EML6: variants seen among roughly 807,000 people sequenced by gnomAD.
The protein encoded by EML6 is echinoderm microtubule-associated protein-like 6.
EML6 carries 154 observed loss-of-function variants against 240.1 expected under a neutral mutation model. The observed-to-expected ratio is 0.64, with a 90% CI of 0.56 to 0.73. The LOEUF (loss-of-function observed/expected upper bound fraction) is 0.73. Ranked by LOEUF, EML6 falls within the 30% of genes least tolerant of loss-of-function variation. The pLI is 0.00. For missense variants in EML6, 2,964 were observed against 2,474.6 expected (o/e 1.20, Z -4.20); for synonymous variants, 1,148 against 899.0 (o/e 1.28, Z -4.95).
rs763236263 is a variant in EML6, at chr2:54,869,263, G to T, written c.2134G>T (p.Val712Leu). ...CTACCACATTGCTGCAGTTGCTGTCGTGTATAATCGGCAGCAGCACTCCCA... is the reference window on the plus strand; with the variant it reads ...CTACCACATTGCTGCAGTTGCTGTCTTGTATAATCGGCAGCAGCACTCCCA... ...VVYHIAAVAV[V>L]YNRQQHSQRL... The change falls in exon 15 of 42, where the codon GTG becomes TTG. Residue 712 changes from valine (V) to leucine (L), a missense_variant. Coordinates refer to ENST00000356458, the MANE Select transcript of EML6 (RefSeq NM_001039753.4). 6.4e-7 allele frequency: 1 copy of T among 1,551,632 alleles called. No homozygotes were observed. Among genetic ancestry groups the T allele is most frequent in the African/African-American group, 1.4e-5 (1 of 73,136 alleles).
intron 16 of EML6, among the ~76,000 whole-genome samples, chr2:54,876,191 C>G (rs1201020179): frequency 1.3e-5 from 2 of 152,146 alleles, no homozygotes; most frequent in Admixed American, 6.5e-5. Context: ...ACTAACTGGT[C>G]AGAGAGTAGA....
At chr2:54,895,461 A>G in intron 21 of EML6, 61 bp downstream of exon 21, 1 of 1,514,906 alleles carries the variant, frequency 6.6e-7, no homozygotes, top group Non-Finnish European at 8.9e-7. Context: ...GAGTGAGGCA[A>G]AGTTGATGCT....
intron 5 of EML6, among the ~76,000 whole-genome samples, chr2:54,820,911 C>A (rs1668303980): frequency 6.6e-6 from 1 of 152,230 alleles, no homozygotes; most frequent in Non-Finnish European, 1.5e-5. Context: ...ACAGTACAAA[C>A]CTATCTGGAC....
chr2:54,957,964 A>C lies in EML6; in HGVS notation c.4661A>C (p.Lys1554Thr). The C allele has an allele frequency of 6.4e-7, 1 of 1,551,492 alleles. No individual in the cohort carries two copies. Among genetic ancestry groups the C allele is most frequent in the Non-Finnish European group, 8.7e-7 (1 of 1,146,882 alleles). The change falls in exon 33 of 42, where the codon AAA becomes ACA. Residue 1554 changes from lysine to threonine, a missense_variant. Physicochemically the swap from Lys to Thr is moderately conservative, Grantham distance 78 (BLOSUM62 -1). Coordinates refer to ENST00000356458, the MANE Select transcript of EML6 (RefSeq NM_001039753.4). ...KGVIGSLGAA[K>T]MQTMLSVAFG... ...GTCATCGGGTCCCTGGGAGCTGCCA[A>C]AATGCAGACGATGCTCTCCGTGGCC...
intron 2 of EML6, among the ~76,000 whole-genome samples, chr2:54,760,370 T>C (rs1244511058): frequency 6.6e-6 from 1 of 152,192 alleles, no homozygotes; most frequent in African/African-American, 2.4e-5. Flanking sequence ...TATTGCTTTA[T>C]GCATGTGCTT....
chr2:54,816,835 G>A lies in EML6; in HGVS notation c.406G>A (p.Asp136Asn). 1.9e-6 allele frequency: 3 copies of A among 1,551,578 alleles called. No individual in the cohort carries two copies. Among genetic ancestry groups the A allele is most frequent in the Non-Finnish European group, 2.6e-6 (3 of 1,146,894 alleles). Residue 136 changes from aspartate to asparagine, a missense_variant, in exon 4 of 42, where the codon GAC becomes AAC. Asp to Asn is a conservative substitution (Grantham distance 23). Transcript: ENST00000356458. ...TGCCAAAAACACAGTCTGCATTTGG[G>A]ACTGGAGGAAGGGAAAACTTCTGGC... is the stretch of plus-strand genomic sequence containing the variant. Reference protein sequence around the residue: ...LDAKNTVCIWDWRKGKLLASA... With the variant: ...LDAKNTVCIWNWRKGKLLASA...
chr2:54,751,800 C>G (rs941440620), intron 2 of EML6, among the ~76,000 whole-genome samples: 2 of 152,112 alleles, frequency 1.3e-5, no homozygotes, highest in African/African-American at 4.8e-5. Context: ...TAACTTCTGG[C>G]TAATAAATGT....
At chr2:54,863,499 A>G (rs1055032634) in intron 12 of EML6, among the ~76,000 whole-genome samples, 3 of 152,112 alleles carry the variant, frequency 2.0e-5, no homozygotes, top group African/African-American at 7.2e-5. Context: ...CCAGCCTAGG[A>G]GACAGACCCT....
At chr2:54,954,848 A>G (rs1240989635) in intron 32 of EML6, among the ~76,000 whole-genome samples, 1 of 152,206 alleles carries the variant, frequency 6.6e-6, no homozygotes, top group East Asian at 1.9e-4. Flanking sequence ...TAGTCAGAAC[A>G]TTAATGAGGT....
intron 24 of EML6, among the ~76,000 whole-genome samples, chr2:54,910,042 G>A (rs1673557797): frequency 1.3e-5 from 2 of 151,998 alleles, no homozygotes; most frequent in South Asian, 4.2e-4. Context: ...TTATGTATAT[G>A]TATACTGAAT....
chr2:54,775,450 T>G (rs1470813507), intron 2 of EML6, among the ~76,000 whole-genome samples: 1 of 152,216 alleles, frequency 6.6e-6, no homozygotes, highest in African/African-American at 2.4e-5. Context: ...CTTGGCTTAC[T>G]CCCTCATTTT....
intron 6 of EML6, among the ~76,000 whole-genome samples, chr2:54,828,182 A>G (rs1668690201): frequency 6.6e-6 from 1 of 152,106 alleles, no homozygotes. Flanking sequence ...TTGCTCTTGT[A>G]TTGGTTGGTA....
chr2:54,758,595 T>G lies in EML6; in HGVS notation c.197+33337T>G, dbSNP rs115206840. On this transcript the variant is annotated intron_variant, in intron 2 of 41. Coordinates refer to ENST00000356458, the MANE Select transcript of EML6 (RefSeq NM_001039753.4). ...GTATATTATACTTCCTCCAACGTAG[T>G]ACTTATTACCCTGTAGTATATCATC... Among the ~76,000 whole-genome samples, 698 of 152,312 alleles carry G rather than the reference T, an allele frequency of 4.6e-3. 7 individuals are homozygous for G. Among genetic ancestry groups the G allele is most frequent in the African/African-American group, 0.016 (673 of 41,570 alleles).
At chr2:54,871,322 T>A (rs1671244572) in intron 15 of EML6, among the ~76,000 whole-genome samples, 178 bp from the exon 16 acceptor site, 1 of 152,226 alleles carries the variant, frequency 6.6e-6, no homozygotes, top group South Asian at 2.1e-4. Context: ...CTCTTAGAGA[T>A]ACAGTGCCTC....
chr2:54,844,110 A>T lies in EML6; in HGVS notation c.911A>T (p.Glu304Val). Residue 304 changes from glutamate to valine, a missense_variant, in exon 8 of 42, where the codon GAG becomes GTG. Coordinates refer to ENST00000356458, the MANE Select transcript of EML6 (RefSeq NM_001039753.4). ...DRLLAGTQDS[E>V]IFEVIVRERD... The stretch of plus-strand genomic sequence containing the variant: ...CTTCTAGCAGGGACCCAGGACAGTG[A>T]GATATTTGAAGTGATTGTGCGAGAG... 5 of 1,551,552 alleles carry T rather than the reference A, an allele frequency of 3.2e-6. No homozygotes were observed. Among genetic ancestry groups the T allele is most frequent in the Non-Finnish European group, 4.4e-6 (5 of 1,146,974 alleles).
chr2:54,934,998 TTTA>T (rs1175559724), intron 28 of EML6, among the ~76,000 whole-genome samples: 2 of 152,234 alleles, frequency 1.3e-5, no homozygotes, highest in African/African-American at 4.8e-5. Flanking sequence ...TATGAGTTAA[TTTA>T]TTATTGGTAG....
chr2:54,949,021 C>G (rs1675830359), intron 29 of EML6, 61 bp downstream of exon 29: 3 of 1,235,530 alleles, frequency 2.4e-6, no homozygotes, highest in Non-Finnish European at 3.5e-6. Flanking sequence ...TGGTAGACAT[C>G]CCCATCTGCA....
At chr2:54,921,584 A>C (rs555484436) in intron 26 of EML6, among the ~76,000 whole-genome samples, 6 of 152,270 alleles carry the variant, frequency 3.9e-5, no homozygotes, top group African/African-American at 1.2e-4. Context: ...AAACAACCTT[A>C]AAATGTGTAT....
At chr2:54,954,234 T>G in intron 32 of EML6, 78 bp downstream of exon 32, 1 of 1,347,738 alleles carries the variant, frequency 7.4e-7, no homozygotes, top group East Asian at 2.5e-5. Context: ...AACCCAGATC[T>G]GCCTCACTCC....
Sources: allele counts gnomAD v4.1 joint callset (sites outside exome capture counted in the v4.1 genomes callset), GRCh38; gene constraint gnomAD v4.1.1; transcripts MANE v1.5; gene names NCBI Gene and HGNC (gene_info 2026-07-23, HGNC 2026-07-21).